The following OVCH2 variants were observed in gnomAD, a reference collection of about 807,000 sequenced individuals.
OVCH2 encodes ovochymase-2.
A neutral mutation model predicts 73.7 loss-of-function variants in OVCH2; 88 were observed. The observed-to-expected ratio is 1.19, with a 90% CI of 1.01 to 1.43. The LOEUF is 1.43. Among genes scored for constraint, OVCH2 ranks in the 40% most tolerant of loss-of-function variants. The pLI, the probability that OVCH2 is intolerant of heterozygous loss-of-function variation, is 0.00. For missense variants in OVCH2, 706 were observed against 674.5 expected (o/e 1.05, Z -0.52); for synonymous variants, 265 against 234.5 (o/e 1.13, Z -1.19).
At position 7,702,214 on chromosome 11, in the gene OVCH2, T is replaced by A; in HGVS notation, c.406A>T (p.Lys136Ter). 6.2e-7 allele frequency: 1 copy of A among 1,612,866 alleles called. No homozygotes were observed. The highest frequency in any genetic ancestry group is 8.5e-7 in the Non-Finnish European group (1 of 1,179,452). Residue 136 changes from lysine to a stop codon, truncating the protein, a stop_gained, in exon 4 of 16, where the codon AAG (lysine) becomes TAG (stop). Coordinates refer to ENST00000533663, the MANE Select transcript of OVCH2 (RefSeq NM_198185.7). LOFTEE classifies it high-confidence loss of function. ...GCAATATCATAGTCCATTGGTTTCTTGGTGGAGAAATGTGGATGTATGATG... is the reference window on the plus strand; with the variant it reads ...GCAATATCATAGTCCATTGGTTTCTAGGTGGAGAAATGTGGATGTATGATG... ...TVIIHPHFST[K>*]KPMDYDIALL...
Position 7,691,980 on chromosome 11 carries a change from G to T in OVCH2, c.1429C>A (p.Leu477Met), listed in dbSNP as rs370515369. ...HHLIKLSFQS[L>M]EIEESGDCTS... The stretch of plus-strand genomic sequence containing the variant: ...CAGTCTCCACTTTCTTCTATTTCCA[G>T]ACTCTGAAATGAAAGCTGAGAAGAC... The change falls in exon 13 of 16, where the codon CTG becomes ATG. Residue 477 changes from leucine (L) to methionine (M), a missense_variant. Transcript: ENST00000533663. The T allele has an allele frequency of 1.5e-5, 24 of 1,570,682 alleles. No individual in the cohort carries two copies. Among genetic ancestry groups the T allele is most frequent in the Non-Finnish European group, 2.1e-5 (24 of 1,156,322 alleles).
At chr11:7,690,791 G>A (rs1258714687) in intron 14 of OVCH2, among the ~76,000 whole-genome samples, 1 of 151,450 alleles carries the variant, frequency 6.6e-6, no homozygotes, top group South Asian at 2.1e-4. Flanking sequence ...TTTCATTTCT[G>A]TTCTTTTTAT....
chr11:7,680,236 T>A, the OVCH2 span, among the ~76,000 whole-genome samples: 1 of 152,180 alleles, frequency 6.6e-6, no homozygotes, highest in African/African-American at 2.4e-5. Context: ...TGTGGTCTCT[T>A]AGGCTACTTC....
rs763993041 is a variant in OVCH2, at chr11:7,696,442, T to TA, written c.1141+22_1141+23insT. Reference sequence around the variant, plus strand: ...AGCCCACTTGGCACTGGTTTCCATTTGACACTGTGAAAATCCACTCACCAA... The same window carrying TA: ...AGCCCACTTGGCACTGGTTTCCATTTAGACACTGTGAAAATCCACTCACCAA... On this transcript the variant is annotated intron_variant, in intron 10 of 15. Coordinates refer to ENST00000533663, the MANE Select transcript of OVCH2 (RefSeq NM_198185.7). 2.4e-5 allele frequency: 38 copies of TA among 1,613,808 alleles called. No homozygotes were observed. The Middle Eastern group carries it at 1.5e-3, about 63-fold the overall frequency.
At position 7,702,011 on chromosome 11, in the gene OVCH2, C is replaced by T; in HGVS notation, c.463+146G>A. 4 of 860,220 alleles carry T rather than the reference C, an allele frequency of 4.6e-6. No individual in the cohort carries two copies. The South Asian group carries it at 7.0e-5, about 15-fold the overall frequency. 53.3% of individuals were successfully genotyped at this position (860,220 alleles called of 1,614,324 possible). A position where few individuals can be genotyped will look rare whatever the true frequency, so the allele number is the denominator to read the frequency against. On this transcript the variant is annotated intron_variant, in intron 4 of 15. Transcript: ENST00000533663. ...GTAATGCTATCTCCAGAACCACAAG[C>T]AAAAAGAGTTTCAGGTAGGACTCTC...
rs1028894533 is a variant in OVCH2, at chr11:7,704,483, A to G, written c.198+82T>C. 5.1e-6 allele frequency: 5 copies of G among 981,046 alleles called. No individual in the cohort carries two copies. The African/African-American group carries it at 8.4e-5, about 16-fold the overall frequency. 60.8% of individuals were successfully genotyped at this position (981,046 alleles called of 1,614,324 possible). On this transcript the variant is annotated intron_variant, in intron 2 of 15. Coordinates refer to ENST00000533663, the MANE Select transcript of OVCH2 (RefSeq NM_198185.7). ...ACCCAACTAGGCTGTAGGCTCCTCAAAGATATAAACTTAACCTTAAAAATA... is the reference window on the plus strand; with the variant it reads ...ACCCAACTAGGCTGTAGGCTCCTCAGAGATATAAACTTAACCTTAAAAATA...
chr11:7,690,725 C>T (rs11820292), intron 14 of OVCH2, among the ~76,000 whole-genome samples: 22,916 of 152,062 alleles, frequency 0.15, 1,860 homozygotes, highest in African/African-American at 0.2. Flanking sequence ...CTTCTTGCTT[C>T]AGCCGTCATC....
At chr11:7,704,256 A>C (rs1228826271) in intron 2 of OVCH2, among the ~76,000 whole-genome samples, 2 of 152,086 alleles carry the variant, frequency 1.3e-5, no homozygotes, top group Non-Finnish European at 2.9e-5. Context: ...GTTTGGATCT[A>C]CCACTTTTCT....
intron 11 of OVCH2, 49 bp from the exon 12 acceptor site, chr11:7,695,237 A>T: frequency 6.6e-7 from 1 of 1,511,484 alleles, no homozygotes. Flanking sequence ...CAAATAAAGA[A>T]GAATTCTCAC....
At chr11:7,685,687 A>G (rs1265322820), downstream of OVCH2, among the ~76,000 whole-genome samples, 4 of 98,100 alleles carry the variant, frequency 4.1e-5, no homozygotes, top group East Asian at 1.1e-3. Context: ...ACTCTATGTT[A>G]CACTATTCCC....
chr11:7,699,246 A>G (rs1856390828), intron 7 of OVCH2: 1 of 156,360 alleles, frequency 6.4e-6, no homozygotes. Context: ...CCACCAGATA[A>G]GAAAACAATT....
At position 7,703,688 on chromosome 11, in the gene OVCH2, C is replaced by A. The variant is rs552147757; in HGVS notation, c.290+10G>T. On this transcript the variant is annotated intron_variant, in intron 3 of 15. Transcript: ENST00000533663. ...GTGTGGTCTTCACTCATGGGCTAGG[C>A]CTTTCTTACCTGTTTGCAATGCAGT... The A allele has an allele frequency of 3.0e-5, 48 of 1,590,968 alleles. 1 individual carries two copies. In the Admixed American group the frequency reaches 7.6e-4, roughly 25 times the overall value.
At chr11:7,697,473 T>C (rs1856359227) in intron 8 of OVCH2, among the ~76,000 whole-genome samples, 1 of 152,208 alleles carries the variant, frequency 6.6e-6, no homozygotes, top group African/African-American at 2.4e-5. Context: ...ATTTCAGATG[T>C]CATCTCTACA....
chr11:7,691,155 A>C, intron 14 of OVCH2, 114 bp downstream of exon 14: 1 of 1,277,972 alleles, frequency 7.8e-7, no homozygotes, highest in Non-Finnish European at 1.1e-6. Flanking sequence ...GATAGGATGT[A>C]ATTACTGCAG....
At position 7,691,893 on chromosome 11, in the gene OVCH2, G is replaced by GA; in HGVS notation, c.1507+8dup. 6.4e-7 allele frequency: 1 copy of GA among 1,555,518 alleles called. No individual in the cohort carries two copies. The highest frequency in any genetic ancestry group is 8.7e-7 in the Non-Finnish European group (1 of 1,147,750). ...AACCAGAGCGAGCTGAGGCTCAGAG[G>GA]ACACAAACCTATTTCCTTCTTCCTT... On this transcript the variant is annotated intron_variant, in intron 13 of 15. Coordinates refer to ENST00000533663, the MANE Select transcript of OVCH2 (RefSeq NM_198185.7).
chr11:7,702,009 A>G, intron 4 of OVCH2, 148 bp downstream of exon 4: 1 of 852,020 alleles, frequency 1.2e-6, no homozygotes, highest in Non-Finnish European at 1.8e-6. Context: ...CAGAACCACA[A>G]GCAAAAAGAG....
In OVCH2 at chr11:7,695,068, T is replaced by G. The variant is rs1391385106; in HGVS notation, c.1403A>C (p.His468Pro). 1.3e-6 allele frequency: 2 copies of G among 1,549,866 alleles called. No individual in the cohort carries two copies. The highest frequency in any genetic ancestry group is 2.7e-5 in the African/African-American group (2 of 72,854). Residue 468 changes from histidine (H) to proline (P), a missense_variant, in exon 12 of 16, where the codon CAC (histidine) becomes CCC (proline). Transcript: ENST00000533663. ...CDWIFQASKH[H>P]LIKLSFQSLE... The stretch of plus-strand genomic sequence containing the variant: ...AGCCAAAGTCAATACCTTAATTAGG[T>G]GATGTTTGGAGGCTTGAAAAATCCA...
chr11:7,694,758 C>T (rs535515105), intron 12 of OVCH2, among the ~76,000 whole-genome samples: 26 of 151,518 alleles, frequency 1.7e-4, no homozygotes, highest in Non-Finnish European at 3.1e-4. Flanking sequence ...ATTACAGGCG[C>T]CCGCCACCGC....
chr11:7,702,227 T>A lies in OVCH2; in HGVS notation c.393A>T (p.Pro131=). 1 of 1,613,000 alleles carries A rather than the reference T, an allele frequency of 6.2e-7. No individual in the cohort carries two copies. Residue 131 remains proline (P), a synonymous_variant, in exon 4 of 16, where the codon CCA becomes CCT. Coordinates refer to ENST00000533663, the MANE Select transcript of OVCH2 (RefSeq NM_198185.7). ...TLTIETVIIH[P]HFSTKKPMDY... is the part of the protein sequence containing the mutation. ...CCATTGGTTTCTTGGTGGAGAAATG[T>A]GGATGTATGATGACAGTTTCAATAG...
Sources: allele counts gnomAD v4.1 joint callset (sites outside exome capture counted in the v4.1 genomes callset), GRCh38; gene constraint gnomAD v4.1.1; transcripts MANE v1.5; gene names NCBI Gene and HGNC (gene_info 2026-07-23, HGNC 2026-07-21).